WWOX: variants seen among roughly 807,000 people sequenced by gnomAD.
The protein encoded by WWOX is WW domain containing oxidoreductase, also known as WW domain-containing oxidoreductase.
WWOX carries 69 observed loss-of-function variants against 46.2 expected under a neutral mutation model. The observed-to-expected ratio is 1.49, with a 90% CI of 1.23 to 1.82. The LOEUF (loss-of-function observed/expected upper bound fraction) is 1.82. Ranked by LOEUF, WWOX falls within the 40% of genes most tolerant of loss-of-function variation. The pLI, the probability that WWOX is intolerant of heterozygous loss-of-function variation, is 0.00. For missense variants in WWOX, 919 were observed against 542.6 expected, an observed-to-expected ratio of 1.69 and a Z score of -6.89; for synonymous variants, 359 against 202.6, an observed-to-expected ratio of 1.77 and a Z score of -6.56.
chr16:79,182,159 G>T (rs1486926874), intron 8 of WWOX, among the ~76,000 whole-genome samples: 2 of 149,318 alleles, frequency 1.3e-5, no homozygotes, highest in Non-Finnish European at 3.0e-5. Flanking sequence ...AGGGACTCTT[G>T]TTCTTTCTGG....
At chr16:78,502,675 C>G (rs1484604754) in intron 8 of WWOX, among the ~76,000 whole-genome samples, 1 of 152,154 alleles carries the variant, frequency 6.6e-6, no homozygotes, top group African/African-American at 2.4e-5. Flanking sequence ...GTTTTCATTC[C>G]AATATCCTTT....
intron 8 of WWOX, among the ~76,000 whole-genome samples, chr16:78,775,167 G>T (rs1242142557): frequency 6.6e-6 from 1 of 152,090 alleles, no homozygotes; most frequent in East Asian, 1.9e-4. Flanking sequence ...AATTCCTTTT[G>T]CCTGCCTGGC....
At chr16:78,127,644 T>C (rs1426432079) in intron 4 of WWOX, among the ~76,000 whole-genome samples, 2 of 152,062 alleles carry the variant, frequency 1.3e-5, no homozygotes, top group African/African-American at 2.4e-5. Context: ...CCATGCATCA[T>C]GGTAACATCT....
chr16:78,562,790 C>G (rs1236013663), intron 8 of WWOX, among the ~76,000 whole-genome samples: 1 of 152,214 alleles, frequency 6.6e-6, no homozygotes, highest in East Asian at 1.9e-4. Context: ...TATGGAAGTG[C>G]TGAGCTCTTC....
intron 8 of WWOX, among the ~76,000 whole-genome samples, chr16:78,979,196 A>G (rs1180417890): frequency 6.6e-6 from 1 of 152,128 alleles, no homozygotes; most frequent in Non-Finnish European, 1.5e-5. Context: ...CCCGTTACAA[A>G]AAGAATTCAC....
At chr16:78,411,177 G>A (rs61385990) in intron 6 of WWOX, among the ~76,000 whole-genome samples, 1 of 152,138 alleles carries the variant, frequency 6.6e-6, no homozygotes, top group South Asian at 2.1e-4. Flanking sequence ...GAGGTGAGGG[G>A]ATTACACAAA....
intron 5 of WWOX, among the ~76,000 whole-genome samples, chr16:78,175,554 T>G (rs2035315615): frequency 1.3e-5 from 2 of 152,054 alleles, no homozygotes; most frequent in African/African-American, 4.8e-5. Flanking sequence ...GTGAGGAAAC[T>G]CAAGCAGACC....
rs58108921 is a variant in WWOX at position 78,100,137 on chromosome 16, C to T, written c.107+252C>T. On this transcript the variant is annotated intron_variant, in intron 1 of 8. Transcript: ENST00000566780. ...CTGCTGTTCAGGATGCAGCACTGCG[C>T]GGCGCGGCGAGGGCAAAGCGGCCTC... 1,474 of 1,329,380 alleles carry T rather than the reference C, an allele frequency of 1.1e-3. 17 individuals carry two copies. In the African/African-American group the frequency reaches 0.021, roughly 19 times the overall value. 82.3% of individuals were successfully genotyped at this position (1,329,380 alleles called of 1,614,324 possible).
chr16:78,297,335 G>C (rs572068140), intron 5 of WWOX, among the ~76,000 whole-genome samples: 1 of 152,240 alleles, frequency 6.6e-6, no homozygotes, highest in Non-Finnish European at 1.5e-5. Flanking sequence ...ATATTTCTTG[G>C]ATTTTTCCAT....
At chr16:78,173,641 A>G (rs1180143949) in intron 5 of WWOX, among the ~76,000 whole-genome samples, 1 of 152,054 alleles carries the variant, frequency 6.6e-6, no homozygotes, top group Non-Finnish European at 1.5e-5. Flanking sequence ...TGCAGATGCT[A>G]ATATGACTCT....
intron 6 of WWOX, among the ~76,000 whole-genome samples, chr16:78,402,799 A>G (rs1047236663): frequency 2.6e-5 from 4 of 152,202 alleles, no homozygotes; most frequent in African/African-American, 9.7e-5. Context: ...GACCTCGGAA[A>G]TAATTCTAAC....
intron 8 of WWOX, among the ~76,000 whole-genome samples, chr16:78,696,394 A>C (rs2048100294): frequency 6.6e-6 from 1 of 152,056 alleles, no homozygotes; most frequent in Non-Finnish European, 1.5e-5. Context: ...TAATGGTTTG[A>C]CTTAGATTTT....
At chr16:78,838,899 T>C (rs1187057348) in intron 8 of WWOX, among the ~76,000 whole-genome samples, 3 of 152,030 alleles carry the variant, frequency 2.0e-5, no homozygotes, top group African/African-American at 7.2e-5. Context: ...TGCCAGGGAC[T>C]GGAGAGGAGT....
At chr16:78,992,639 C>T (rs548485385) in intron 8 of WWOX, among the ~76,000 whole-genome samples, 1 of 152,280 alleles carries the variant, frequency 6.6e-6, no homozygotes, top group Admixed American at 6.5e-5. Context: ...ATGATCCCAT[C>T]TTAATGTCTG....
intron 8 of WWOX, among the ~76,000 whole-genome samples, chr16:78,853,223 T>G (rs1025584382): frequency 1.3e-5 from 2 of 152,160 alleles, no homozygotes; most frequent in Non-Finnish European, 2.9e-5. Context: ...TATTATTTTT[T>G]TCTTTTTTGT....
At chr16:78,107,869 G>C (rs1225099199) in intron 1 of WWOX, among the ~76,000 whole-genome samples, 2 of 152,058 alleles carry the variant, frequency 1.3e-5, no homozygotes, top group Non-Finnish European at 2.9e-5. Flanking sequence ...TATGAATTTT[G>C]TCCCTACATC....
At chr16:78,799,415 C>T (rs779022207) in intron 8 of WWOX, among the ~76,000 whole-genome samples, 1 of 152,160 alleles carries the variant, frequency 6.6e-6, no homozygotes, top group South Asian at 2.1e-4. Context: ...TAAGAACTTA[C>T]CAGCATTTAA....
chr16:78,622,285 G>C (rs1223412311), intron 8 of WWOX, among the ~76,000 whole-genome samples: 1 of 152,036 alleles, frequency 6.6e-6, no homozygotes, highest in East Asian at 1.9e-4. Flanking sequence ...GCTCATGCTT[G>C]TAATCCCAGC....
intron 5 of WWOX, among the ~76,000 whole-genome samples, chr16:78,257,103 C>T (rs937164168): frequency 1.3e-5 from 2 of 151,910 alleles, no homozygotes; most frequent in Admixed American, 6.6e-5. Context: ...CATACAGGCT[C>T]GTGGCGTGGG....
Sources: gnomAD v4.1 joint callset for allele counts (sites outside exome capture counted in the v4.1 genomes callset) on GRCh38, gnomAD v4.1.1 for gene constraint, MANE v1.5 for transcripts, NCBI Gene and HGNC (gene_info 2026-07-23, HGNC 2026-07-21) for gene names.